Variants in RBFOX1 observed in about 807,000 individuals in gnomAD.
RBFOX1 encodes the protein RNA binding fox-1 homolog 1, also known as RNA binding protein fox-1 homolog 1.
In RBFOX1, 8 loss-of-function variants were observed where a neutral mutation model predicts 57.7. The ratio of observed to expected loss-of-function variants is 0.14; its 90% CI spans 0.08 to 0.25. The LOEUF (loss-of-function observed/expected upper bound fraction) is 0.25, where lower values mean the gene tolerates loss of function less well. Ranked by LOEUF, RBFOX1 falls within the 10% of genes least tolerant of loss-of-function variation. RBFOX1 has a pLI of 1.00. For missense variants in RBFOX1, 611 were observed against 548.5 expected, an observed-to-expected ratio of 1.11 and a Z score of -1.14; for synonymous variants, 326 against 222.4, an observed-to-expected ratio of 1.47 and a Z score of -4.15.
intron 4 of RBFOX1, 124 bp from the exon 5 acceptor site, chr16:7,518,023 G>T: frequency 8.2e-7 from 1 of 1,215,586 alleles, no homozygotes; most frequent in Non-Finnish European, 1.1e-6. Context: ...TCTCAGGCTG[G>T]TGGCACCATG....
At chr16:6,941,587 C>G (rs1038389529) in intron 3 of RBFOX1, among the ~76,000 whole-genome samples, 50 of 151,934 alleles carry the variant, frequency 3.3e-4, no homozygotes, top group African/African-American at 1.2e-3. Flanking sequence ...AGGGAATCTC[C>G]TCTACCTACT....
chr16:7,680,296 C>T (rs556597878), intron 14 of RBFOX1, among the ~76,000 whole-genome samples: 1 of 152,128 alleles, frequency 6.6e-6, no homozygotes, highest in Non-Finnish European at 1.5e-5. Flanking sequence ...AAAAGATTCC[C>T]TGTTTGATCA....
chr16:6,152,104 G>A (rs904150832), intron 1 of RBFOX1, among the ~76,000 whole-genome samples: 4 of 152,120 alleles, frequency 2.6e-5, no homozygotes, highest in Non-Finnish European at 5.9e-5. Flanking sequence ...ACACCCTGAA[G>A]ATCTAGGTAT....
chr16:7,346,613 G>C (rs2097014207), intron 4 of RBFOX1, among the ~76,000 whole-genome samples: 1 of 151,814 alleles, frequency 6.6e-6, no homozygotes, highest in Non-Finnish European at 1.5e-5. Context: ...ACATCATGGT[G>C]TGTGTCCCAT....
At chr16:6,491,199 C>G (rs1005612391) in intron 2 of RBFOX1, among the ~76,000 whole-genome samples, 2 of 151,284 alleles carry the variant, frequency 1.3e-5, no homozygotes, top group South Asian at 4.2e-4. Context: ...TACATATAAA[C>G]TATATATAGA....
chr16:6,715,608 C>G (rs1057388328), intron 3 of RBFOX1, among the ~76,000 whole-genome samples: 1 of 152,094 alleles, frequency 6.6e-6, no homozygotes, highest in Admixed American at 6.5e-5. Flanking sequence ...AGCTAGTTTT[C>G]TCTTGTGGTC....
chr16:5,365,828 C>T, intron 1 of RBFOX1: 1 of 518,016 alleles, frequency 1.9e-6, no homozygotes, highest in Non-Finnish European at 3.8e-6. Context: ...ACATGAGCCC[C>T]CTGAGGCCCC....
At chr16:5,907,406 C>G (rs527907191) in intron 4 of RBFOX1, among the ~76,000 whole-genome samples, 2 of 150,596 alleles carry the variant, frequency 1.3e-5, no homozygotes, top group Non-Finnish European at 2.9e-5. Flanking sequence ...CAGAGTCATG[C>G]TGCTTTTTTT....
intron 4 of RBFOX1, among the ~76,000 whole-genome samples, chr16:7,268,208 C>T (rs1388661437): frequency 1.3e-5 from 2 of 152,188 alleles, no homozygotes; most frequent in Non-Finnish European, 2.9e-5. Context: ...GGACTGCTGT[C>T]CTGTAGGCAG....
At chr16:7,073,919 C>T (rs556355937) in intron 4 of RBFOX1, among the ~76,000 whole-genome samples, 1 of 151,898 alleles carries the variant, frequency 6.6e-6, no homozygotes, top group Admixed American at 6.6e-5. Flanking sequence ...GACTGACAAT[C>T]CAGAGCAGTG....
chr16:7,214,445 C>A (rs1407221445), intron 4 of RBFOX1, among the ~76,000 whole-genome samples: 7 of 152,046 alleles, frequency 4.6e-5, no homozygotes, highest in Non-Finnish European at 7.4e-5. Flanking sequence ...TATTCTAAAT[C>A]ACCGTGTCTT....
chr16:5,985,005 CAG>C (rs1341036529), intron 4 of RBFOX1, among the ~76,000 whole-genome samples: 3 of 96,772 alleles, frequency 3.1e-5, no homozygotes, highest in African/African-American at 1.3e-4. Context: ...TTCTTTGAGA[CAG>C]AGTTTCACTC....
intron 2 of RBFOX1, among the ~76,000 whole-genome samples, chr16:6,334,886 A>G (rs2083445096): frequency 6.6e-6 from 1 of 152,160 alleles, no homozygotes; most frequent in African/African-American, 2.4e-5. Flanking sequence ...AGGGAGAGAT[A>G]TTTGCTTCTG....
At chr16:6,032,494 G>T (rs1280381134) in intron 1 of RBFOX1, among the ~76,000 whole-genome samples, 1 of 152,186 alleles carries the variant, frequency 6.6e-6, no homozygotes, top group African/African-American at 2.4e-5. Context: ...GTTCCTTGAT[G>T]ATCCTGTCTT....
chr16:7,610,205 C>T (rs1230423941), intron 10 of RBFOX1, among the ~76,000 whole-genome samples: 14 of 143,440 alleles, frequency 9.8e-5, no homozygotes, highest in Admixed American at 3.6e-4. Context: ...CTGCAACCTC[C>T]GCCTCCCGGG....
Position 6,097,509 on chromosome 16 carries a change from G to A in RBFOX1, c.-127+77517G>A, listed in dbSNP as rs1452325027. Among the ~76,000 whole-genome samples, 4 of 152,156 alleles carry A rather than the reference G, an allele frequency of 2.6e-5. No individual in the cohort carries two copies. The highest frequency in any genetic ancestry group is 5.9e-5 in the Non-Finnish European group (4 of 68,040). On this transcript the variant is annotated intron_variant, in intron 1 of 15. Transcript: ENST00000550418. This position sits in a 1 kb window ranked among gnomAD's most constrained non-coding sequence, Gnocchi z 5.0. ...CTCTGGTGGCAGGAACCAGCAATCT[G>A]TGCTTTCAACAAGCTCTCTGAGTGC...
intron 3 of RBFOX1, among the ~76,000 whole-genome samples, chr16:6,823,297 C>T (rs192226696): frequency 3.3e-5 from 5 of 151,882 alleles, no homozygotes; most frequent in Admixed American, 1.3e-4. Context: ...TGCTCTGTCA[C>T]CGTGGCTGGA....
intron 1 of RBFOX1, among the ~76,000 whole-genome samples, chr16:5,413,891 C>T (rs185769147): frequency 6.6e-6 from 1 of 152,194 alleles, no homozygotes; most frequent in East Asian, 1.9e-4. Flanking sequence ...TTGCCCTTCC[C>T]ATTCCTGCGT....
chr16:6,695,880 G>T (rs963264227), intron 3 of RBFOX1, among the ~76,000 whole-genome samples: 16 of 152,134 alleles, frequency 1.1e-4, no homozygotes, highest in Admixed American at 1.0e-3. Flanking sequence ...TCTCCATATG[G>T]CCGTGAATCT....
Sources: allele counts gnomAD v4.1 joint callset (sites outside exome capture counted in the v4.1 genomes callset), GRCh38; gene constraint gnomAD v4.1.1; non-coding constraint Gnocchi (gnomAD v3.1); transcripts MANE v1.5; gene names NCBI Gene and HGNC (gene_info 2026-07-23, HGNC 2026-07-21).